DDX18: variants seen among roughly 807,000 people sequenced by gnomAD.
The protein encoded by DDX18 is ATP-dependent RNA helicase DDX18.
DDX18 carries 23 observed loss-of-function variants against 73.5 expected under a neutral mutation model. That is an observed-to-expected ratio of 0.31 (90% CI 0.23 to 0.44). The LOEUF (loss-of-function observed/expected upper bound fraction) is 0.44. Among genes scored for constraint, DDX18 ranks in the 20% least tolerant of loss-of-function variants. The probability of loss-of-function intolerance (pLI) is 1.00; values close to 1 mark genes in which losing one functional copy is unlikely to be tolerated. For missense variants in DDX18, 753 were observed against 792.9 expected (o/e 0.95, Z 0.60); for synonymous variants, 268 against 282.7 (o/e 0.95, Z 0.52).
At chr2:117,830,013 G>T (rs1679994745) in intron 13 of DDX18, among the ~76,000 whole-genome samples, 1 of 152,192 alleles carries the variant, frequency 6.6e-6, no homozygotes, top group South Asian at 2.1e-4. Flanking sequence ...TTTATAATTT[G>T]TGCCTTTCAG....
In DDX18 at chr2:117,822,262, G is replaced by GT. The variant is rs1422884726; in HGVS notation, c.1066+2dup. 6.2e-7 allele frequency: 1 copy of GT among 1,607,806 alleles called. No homozygotes were observed. Among genetic ancestry groups the GT allele is most frequent in the Non-Finnish European group, 8.5e-7 (1 of 1,176,202 alleles). On this transcript the variant is annotated splice_donor_variant, in intron 7 of 13. Coordinates refer to ENST00000263239, the MANE Select transcript of DDX18 (RefSeq NM_006773.4). LOFTEE classifies it high-confidence loss of function. Reference sequence around the variant, plus strand: ...AAGCAAATTATTAAACTTTTGCCAAGTAAGTAGGTAGCATCTGCATTTGGT... The same window carrying GT: ...AAGCAAATTATTAAACTTTTGCCAAGTTAAGTAGGTAGCATCTGCATTTGGT...
intron 4 of DDX18, 113 bp downstream of exon 4, chr2:117,821,409 C>T: frequency 7.5e-7 from 1 of 1,339,804 alleles, no homozygotes; most frequent in Non-Finnish European, 1.0e-6. Flanking sequence ...GTCATGTATC[C>T]AGCATACATT....
chr2:117,828,726 C>G, intron 11 of DDX18: 1 of 527,016 alleles, frequency 1.9e-6, no homozygotes, highest in South Asian at 2.4e-5. Context: ...TGACTGTGTC[C>G]CTATCCAGTT....
In DDX18 at chr2:117,819,899, T is replaced by C. The variant is rs1001570832; in HGVS notation, c.514+107T>C. On this transcript the variant is annotated intron_variant, in intron 3 of 13. Transcript: ENST00000263239. Reference sequence around the variant, plus strand: ...TGACTTTCAGTTTACCTGAAAAAAGTAACTATCAACAAGAAACTTTTTTTA... The same window carrying C: ...TGACTTTCAGTTTACCTGAAAAAAGCAACTATCAACAAGAAACTTTTTTTA... 72 of 1,141,236 alleles carry C rather than the reference T, an allele frequency of 6.3e-5. No homozygotes were observed. The African/African-American group carries it at 1.0e-3, about 16-fold the overall frequency. The allele number at this position is 1,141,236 out of a possible 1,614,324, so 70.7% of individuals were successfully genotyped here.
rs368103045 is a variant in DDX18, at chr2:117,819,728, T to C, written c.450T>C (p.Asn150=). ...SAETTKETEN[N]VEKPDNDEDE... is the part of the protein sequence containing the mutation. ...AGACTACTAAAGAAACAGAAAATAATGTGGAGAAGCCAGATAATGATGAAG... is the reference window on the plus strand; with the variant it reads ...AGACTACTAAAGAAACAGAAAATAACGTGGAGAAGCCAGATAATGATGAAG... Residue 150 remains asparagine (N), a synonymous_variant, in exon 3 of 14, where the codon AAT becomes AAC. Transcript: ENST00000263239. 11 of 1,610,536 alleles carry C rather than the reference T, an allele frequency of 6.8e-6. No individual in the cohort carries two copies. Among genetic ancestry groups the C allele is most frequent in the Middle Eastern group, 1.7e-4 (1 of 5,948 alleles).
chr2:117,819,891 G>GA (rs1422869511), intron 3 of DDX18, 99 bp downstream of exon 3: 1 of 1,204,118 alleles, frequency 8.3e-7, no homozygotes, highest in Non-Finnish European at 1.1e-6. Flanking sequence ...CAGTTTACCT[G>GA]AAAAAAGTAA....
chr2:117,819,207 C>G (rs558935593), intron 2 of DDX18, among the ~76,000 whole-genome samples: 8 of 152,284 alleles, frequency 5.3e-5, no homozygotes, highest in Admixed American at 3.3e-4. Context: ...TCCCTGATAG[C>G]CAAGGCACAG....
chr2:117,822,500 C>T, intron 7 of DDX18: 1 of 405,014 alleles, frequency 2.5e-6, no homozygotes. Context: ...TAGGTCCTGT[C>T]CTCCACCTCT....
At chr2:117,821,540 T>C (rs1679846835) in intron 4 of DDX18, 110 bp from the exon 5 acceptor site, 3 of 1,261,202 alleles carry the variant, frequency 2.4e-6, no homozygotes, top group Non-Finnish European at 3.4e-6. Flanking sequence ...ATTTCAGCAC[T>C]GTAGACGTTT....
intron 2 of DDX18, among the ~76,000 whole-genome samples, chr2:117,818,579 C>T (rs1396483807): frequency 2.0e-5 from 3 of 152,220 alleles, no homozygotes; most frequent in African/African-American, 4.8e-5. Flanking sequence ...TTATTGCCTT[C>T]ACAATTCTTG....
intron 12 of DDX18, 32 bp from the exon 13 acceptor site, chr2:117,829,257 T>C (rs767887632): frequency 6.4e-7 from 1 of 1,555,818 alleles, no homozygotes; most frequent in Non-Finnish European, 8.7e-7. Context: ...TTTGTTTTTG[T>C]TTATTAAAAC....
At chr2:117,822,393 G>T (rs1198846165) in intron 7 of DDX18, 132 bp downstream of exon 7, 4 of 654,476 alleles carry the variant, frequency 6.1e-6, no homozygotes, top group Non-Finnish European at 1.1e-5. Context: ...CAATTAACCC[G>T]AAAGGTAATT....
intron 10 of DDX18, chr2:117,826,033 C>CTTTTTTTT (rs1558734407): frequency 7.3e-6 from 2 of 272,322 alleles, no homozygotes; most frequent in African/African-American, 7.1e-5. Context: ...TCATGTCCAG[C>CTTTTTTTT]CTTTTTTTTT....
Position 117,826,259 on chromosome 2 carries a change from T to G in DDX18, c.1522-10T>G. 1 of 1,610,266 alleles carries G rather than the reference T, an allele frequency of 6.2e-7. No individual in the cohort carries two copies. The highest frequency in any genetic ancestry group is 8.5e-7 in the Non-Finnish European group (1 of 1,177,544). ...ACTGCGTTAACTCAGATTTTCTTTCTCCACCAAAGGAATATATTCATCGTG... is the reference window on the plus strand; with the variant it reads ...ACTGCGTTAACTCAGATTTTCTTTCGCCACCAAAGGAATATATTCATCGTG... On this transcript the variant is annotated splice_polypyrimidine_tract_variant and intron_variant, in intron 10 of 13. Transcript: ENST00000263239.
At position 117,821,984 on chromosome 2, in the gene DDX18, T is replaced by A. The variant is rs1679853523; in HGVS notation, c.874T>A (p.Ser292Thr). ...CTTGATAATGGGTGGCAGTAACAGA[T>A]CTGCTGAAGCACAGAAACTTGGTAA... ...YGLIMGGSNR[S>T]AEAQKLGNGI... The change falls in exon 6 of 14, where the codon TCT becomes ACT. Residue 292 changes from serine (S) to threonine (T), a missense_variant. Transcript: ENST00000263239. 6.2e-7 allele frequency: 1 copy of A among 1,613,972 alleles called. No homozygotes were observed. Among genetic ancestry groups the A allele is most frequent in the Admixed American group, 1.7e-5 (1 of 59,992 alleles).
chr2:117,818,272 G>C (rs1190029291), intron 2 of DDX18, among the ~76,000 whole-genome samples: 1 of 152,166 alleles, frequency 6.6e-6, no homozygotes, highest in East Asian at 1.9e-4. Context: ...GGATAAGATA[G>C]GGGTCAGCAA....
chr2:117,818,653 C>T (rs1483163978), intron 2 of DDX18, among the ~76,000 whole-genome samples: 2 of 152,048 alleles, frequency 1.3e-5, no homozygotes, highest in East Asian at 1.9e-4. Flanking sequence ...CAATGCTGGG[C>T]GTTTTAACCT....
At chr2:117,829,258 T>G (rs1439681881) in intron 12 of DDX18, 31 bp from the exon 13 acceptor site, 11 of 1,556,216 alleles carry the variant, frequency 7.1e-6, no homozygotes, top group Non-Finnish European at 8.7e-6. Flanking sequence ...TTGTTTTTGT[T>G]TATTAAAACC....
Position 117,830,801 on chromosome 2 carries a change from G to A in DDX18, c.*77G>A, listed in dbSNP as rs2104628630. The A allele has an allele frequency of 3.8e-6, 6 of 1,574,226 alleles. No individual in the cohort carries two copies. Among genetic ancestry groups the A allele is most frequent in the South Asian group, 1.2e-5 (1 of 85,966 alleles). ...TTCCCCTTGATTTAACAGGATTTTTGTAGACTTTAGAATTTGGACTTACCT... is the reference window on the plus strand; with the variant it reads ...TTCCCCTTGATTTAACAGGATTTTTATAGACTTTAGAATTTGGACTTACCT... On this transcript the variant is annotated 3_prime_UTR_variant, in exon 14 of 14. Transcript: ENST00000263239.
Sources: gnomAD v4.1 joint callset for allele counts (sites outside exome capture counted in the v4.1 genomes callset) on GRCh38, gnomAD v4.1.1 for gene constraint, MANE v1.5 for transcripts, NCBI Gene and HGNC (gene_info 2026-07-23, HGNC 2026-07-21) for gene names.